The following ZNF804B variants were observed in gnomAD, a reference collection of about 807,000 sequenced individuals.
The protein encoded by ZNF804B is zinc finger protein 804B.
ZNF804B carries 80 observed loss-of-function variants against 101.4 expected under a neutral mutation model. The ratio of observed to expected loss-of-function variants is 0.79; its 90% confidence interval spans 0.66 to 0.95. The LOEUF (loss-of-function observed/expected upper bound fraction) is 0.95, where lower values mean the gene tolerates loss of function less well. Among genes scored for constraint, ZNF804B ranks in the 40% least tolerant of loss-of-function variants. ZNF804B has a pLI of 0.00. For missense variants in ZNF804B, 1,673 were observed against 1,561.9 expected (o/e 1.07, Z -1.20); for synonymous variants, 622 against 558.8 (o/e 1.11, Z -1.59).
At chr7:89,222,599 A>G (rs1789021367) in intron 2 of ZNF804B, among the ~76,000 whole-genome samples, 1 of 151,974 alleles carries the variant, frequency 6.6e-6, no homozygotes, top group Middle Eastern at 3.4e-3. Context: ...GAATTTCCTT[A>G]CAGTTTCTTC....
intron 2 of ZNF804B, among the ~76,000 whole-genome samples, chr7:89,284,702 A>T (rs1790154396): frequency 6.7e-6 from 1 of 149,462 alleles, no homozygotes; most frequent in African/African-American, 2.5e-5. Context: ...AGACTCTAAC[A>T]GGATTTGGAA....
intron 1 of ZNF804B, among the ~76,000 whole-genome samples, chr7:89,196,271 C>G (rs1046960368): frequency 6.6e-6 from 1 of 152,010 alleles, no homozygotes; most frequent in Admixed American, 6.6e-5. Flanking sequence ...ACCATCTGAT[C>G]TTTGACAACA....
In ZNF804B at chr7:89,073,246, G is replaced by A. The variant is rs183305789; in HGVS notation, c.109-144909G>A. Among the ~76,000 whole-genome samples the A allele has an allele frequency of 2.3e-4, 35 of 152,144 alleles. No individual in the cohort carries two copies. The East Asian group carries it at 6.6e-3, about 29-fold the overall frequency. On this transcript the variant is annotated intron_variant, in intron 1 of 3. Coordinates refer to ENST00000333190, the MANE Select transcript of ZNF804B (RefSeq NM_181646.5). ...ACTGTTTCTTATATTCTCCACAATA[G>A]CCTTTTATTAATACAGATTGGAAAA... is the stretch of plus-strand genomic sequence containing the variant.
intron 3 of ZNF804B, among the ~76,000 whole-genome samples, chr7:89,330,879 T>C (rs1790966638): frequency 6.6e-6 from 1 of 151,124 alleles, no homozygotes; most frequent in Non-Finnish European, 1.5e-5. Context: ...GCTTGCATAT[T>C]AGAGAGCTAC....
chr7:89,172,939 C>T (rs1359497667), intron 1 of ZNF804B, among the ~76,000 whole-genome samples: 2 of 152,092 alleles, frequency 1.3e-5, no homozygotes, highest in African/African-American at 4.8e-5. Flanking sequence ...TTGGTGAAAA[C>T]GCATTCAACA....
At chr7:89,235,424 T>C (rs1789265872) in intron 2 of ZNF804B, among the ~76,000 whole-genome samples, 1 of 152,198 alleles carries the variant, frequency 6.6e-6, no homozygotes, top group Non-Finnish European at 1.5e-5. Context: ...CAATGGTCCA[T>C]GGTGGTACAC....
intron 1 of ZNF804B, among the ~76,000 whole-genome samples, chr7:88,862,821 A>G (rs1312653422): frequency 6.6e-6 from 1 of 151,920 alleles, no homozygotes; most frequent in Admixed American, 6.6e-5. Flanking sequence ...GCTTCACACT[A>G]ATTATACTAT....
intron 1 of ZNF804B, among the ~76,000 whole-genome samples, chr7:88,911,147 C>T (rs565535025): frequency 6.6e-6 from 1 of 151,690 alleles, no homozygotes; most frequent in Non-Finnish European, 1.5e-5. Context: ...ATCTGAAGGC[C>T]GAGAGGTTAA....
At position 89,220,177 on chromosome 7, in the gene ZNF804B, G is replaced by GCATA. The variant is rs373110832; in HGVS notation, c.249+1882_249+1883insCATA. ...TATATATATACGCACATATATATGT[G>GCATA]TGTATATATATATATCCTTGGGAAA... On this transcript the variant is annotated intron_variant, in intron 2 of 3. Transcript: ENST00000333190. 3.1e-3 allele frequency among the ~76,000 whole-genome samples: 99 copies of GCATA among 31,810 alleles called. 9 individuals carry two copies. The highest frequency in any genetic ancestry group is 6.0e-3 in the Non-Finnish European group (82 of 13,568). 20.9% of individuals were successfully genotyped at this position (31,810 alleles called of 152,430 possible).
chr7:89,186,640 A>G (rs908748447), intron 1 of ZNF804B, among the ~76,000 whole-genome samples: 4 of 151,686 alleles, frequency 2.6e-5, no homozygotes, highest in African/African-American at 7.3e-5. Context: ...TCTTTTGTAT[A>G]TAAAAGGGCA....
At chr7:89,142,020 C>A (rs1790725845) in intron 1 of ZNF804B, among the ~76,000 whole-genome samples, 1 of 151,472 alleles carries the variant, frequency 6.6e-6, no homozygotes, top group Non-Finnish European at 1.5e-5. Flanking sequence ...AGAATGTAAC[C>A]ATGTCAATGC....
At chr7:88,996,429 T>G (rs1788198420) in intron 1 of ZNF804B, among the ~76,000 whole-genome samples, 1 of 152,090 alleles carries the variant, frequency 6.6e-6, no homozygotes, top group Non-Finnish European at 1.5e-5. Flanking sequence ...ATTGCAATTC[T>G]TCCTTATATT....
chr7:89,051,720 A>T (rs1388301636), intron 1 of ZNF804B, among the ~76,000 whole-genome samples: 1 of 152,010 alleles, frequency 6.6e-6, no homozygotes, highest in Non-Finnish European at 1.5e-5. Flanking sequence ...TAAATTTATG[A>T]GTTTCCTTTG....
intron 1 of ZNF804B, among the ~76,000 whole-genome samples, chr7:88,921,112 T>C (rs777838795): frequency 2.0e-5 from 3 of 152,214 alleles, no homozygotes; most frequent in Non-Finnish European, 2.9e-5. Context: ...ATCTTAAAAT[T>C]ATGTTATTTC....
At chr7:89,082,289 C>A (rs536346227) in intron 1 of ZNF804B, among the ~76,000 whole-genome samples, 1 of 151,630 alleles carries the variant, frequency 6.6e-6, no homozygotes, top group South Asian at 2.1e-4. Context: ...TAATTTTTAT[C>A]CGCATATATT....
intron 1 of ZNF804B, among the ~76,000 whole-genome samples, chr7:89,045,055 G>A (rs960498785): frequency 1.3e-5 from 2 of 152,182 alleles, no homozygotes; most frequent in African/African-American, 2.4e-5. Flanking sequence ...CTCTGCAGTT[G>A]GGACATGGTG....
At chr7:88,936,432 CA>C (rs913398376) in intron 1 of ZNF804B, among the ~76,000 whole-genome samples, 8 of 152,014 alleles carry the variant, frequency 5.3e-5, no homozygotes, top group Non-Finnish European at 1.2e-4. Context: ...GGGAGTCCTG[CA>C]AATCTAAGAC....
At chr7:88,909,609 C>T (rs778214386) in intron 1 of ZNF804B, among the ~76,000 whole-genome samples, 2 of 151,782 alleles carry the variant, frequency 1.3e-5, no homozygotes, top group South Asian at 2.1e-4. Flanking sequence ...TTTGCTTGTT[C>T]AACTTTCTCT....
chr7:88,868,687 C>A (rs1434399343), intron 1 of ZNF804B, among the ~76,000 whole-genome samples: 2 of 152,214 alleles, frequency 1.3e-5, no homozygotes, highest in African/African-American at 4.8e-5. Context: ...TCCCATTAAT[C>A]TCAGATGCTT....
Sources: allele counts gnomAD v4.1 joint callset (sites outside exome capture counted in the v4.1 genomes callset), GRCh38; gene constraint gnomAD v4.1.1; transcripts MANE v1.5; gene names NCBI Gene and HGNC (gene_info 2026-07-23, HGNC 2026-07-21).